Variants in DGKI observed in about 807,000 individuals in gnomAD.
The protein encoded by DGKI is DAG kinase iota.
In DGKI, 55 loss-of-function variants were observed where a neutral mutation model predicts 147.5. The observed-to-expected ratio is 0.37, with a 90% CI of 0.30 to 0.47. The LOEUF (loss-of-function observed/expected upper bound fraction) is 0.47. Among genes scored for constraint, DGKI ranks in the 20% least tolerant of loss-of-function variants. DGKI has a pLI of 1.00. For missense variants in DGKI, 1,007 were observed against 1,323.8 expected (o/e 0.76, Z 3.71); for synonymous variants, 469 against 477.1 (o/e 0.98, Z 0.22).
chr7:137,784,220 C>T (rs781231452), intron 1 of DGKI, among the ~76,000 whole-genome samples: 1 of 152,140 alleles, frequency 6.6e-6, no homozygotes, highest in Non-Finnish European at 1.5e-5. Context: ...CTGCTGTCTT[C>T]AGGAAACTCA....
At chr7:137,711,989 G>A (rs1318108993) in intron 1 of DGKI, among the ~76,000 whole-genome samples, 2 of 152,078 alleles carry the variant, frequency 1.3e-5, no homozygotes, top group South Asian at 2.1e-4. Flanking sequence ...CACCATGCCT[G>A]GCTGGGGATA....
intron 3 of DGKI, among the ~76,000 whole-genome samples, chr7:137,676,182 T>C (rs773481676): frequency 1.3e-5 from 2 of 152,172 alleles, no homozygotes. Flanking sequence ...CTTACACTCC[T>C]GGCAGCTGAT....
chr7:137,606,061 A>G lies in DGKI; in HGVS notation c.1167+2905T>C, dbSNP rs186131137. 3.9e-5 allele frequency among the ~76,000 whole-genome samples: 6 copies of G among 152,362 alleles called. No individual in the cohort carries two copies. In the East Asian group the frequency reaches 1.2e-3, roughly 29 times the overall value. On this transcript the variant is annotated intron_variant, in intron 10 of 32. Coordinates refer to ENST00000614521, the MANE Select transcript of DGKI (RefSeq NM_001321708.2). ...TGCCATAAATGTATCAAAATAGCAT[A>G]TGTACTCCATAAGTATGTACAAAAA...
chr7:137,771,318 G>A (rs962730228), intron 1 of DGKI, among the ~76,000 whole-genome samples: 2 of 151,828 alleles, frequency 1.3e-5, no homozygotes, highest in South Asian at 2.1e-4. Context: ...CTCAAACTCC[G>A]GACCTCAGGT....
At position 137,437,971 on chromosome 7, in the gene DGKI, A is replaced by G. The variant is rs531146011; in HGVS notation, c.2761+6106T>C. ...TTCCAAGTTATCAAATATTAAAGAA[A>G]GCATTCTAAAAATTTTACAAGACAA... On this transcript the variant is annotated intron_variant, in intron 28 of 32. Transcript: ENST00000614521. 2.1e-4 allele frequency among the ~76,000 whole-genome samples: 32 copies of G among 152,284 alleles called. No individual in the cohort carries two copies. The South Asian group carries it at 5.0e-3, about 24-fold the overall frequency.
chr7:137,773,558 T>C lies in DGKI; in HGVS notation c.401+72904A>G, dbSNP rs1189632279. 2.0e-5 allele frequency among the ~76,000 whole-genome samples: 3 copies of C among 152,120 alleles called. No homozygotes were observed. In the East Asian group the frequency reaches 5.8e-4, roughly 29 times the overall value. On this transcript the variant is annotated intron_variant, in intron 1 of 32. Transcript: ENST00000614521. The stretch of plus-strand genomic sequence containing the variant: ...ATGTTGATCAGGCAGCTGAACTGAA[T>C]AGGCAGCTATTGGTAAAGAAAAGAC...
intron 21 of DGKI, among the ~76,000 whole-genome samples, chr7:137,512,442 G>A (rs982781016): frequency 3.9e-5 from 6 of 152,128 alleles, no homozygotes; most frequent in Non-Finnish European, 7.4e-5. Context: ...TTTATACAAA[G>A]ATCTTAGAAG....
intron 20 of DGKI, among the ~76,000 whole-genome samples, chr7:137,531,026 G>A (rs1232201577): frequency 6.6e-6 from 1 of 152,068 alleles, no homozygotes; most frequent in Non-Finnish European, 1.5e-5. Flanking sequence ...AGTATTTTAA[G>A]GTAGGAATTT....
intron 28 of DGKI, among the ~76,000 whole-genome samples, chr7:137,415,945 A>C (rs1054688969): frequency 6.6e-6 from 1 of 152,102 alleles, no homozygotes; most frequent in African/African-American, 2.4e-5. Flanking sequence ...AGCCGAGATC[A>C]TGCCACTGCA....
intron 1 of DGKI, among the ~76,000 whole-genome samples, chr7:137,782,898 C>T (rs1472347291): frequency 2.0e-5 from 3 of 152,172 alleles, no homozygotes; most frequent in African/African-American, 7.2e-5. Context: ...TATAGTTCGG[C>T]TCTCAGGAAG....
chr7:137,576,946 A>G (rs1819002485), intron 17 of DGKI, among the ~76,000 whole-genome samples: 2 of 152,212 alleles, frequency 1.3e-5, no homozygotes, highest in South Asian at 4.1e-4. Flanking sequence ...ACACGGTTGA[A>G]TAACAGTTTT....
At chr7:137,684,675 G>C (rs1044869930) in intron 2 of DGKI, among the ~76,000 whole-genome samples, 1 of 152,312 alleles carries the variant, frequency 6.6e-6, no homozygotes, top group Non-Finnish European at 1.5e-5. Context: ...CTTCATTTAC[G>C]TGGCTGACCA....
intron 1 of DGKI, among the ~76,000 whole-genome samples, chr7:137,813,355 A>G (rs948990500): frequency 1.3e-5 from 2 of 152,178 alleles, no homozygotes; most frequent in South Asian, 4.1e-4. Flanking sequence ...GTATTAGAGT[A>G]GGTCAGTAAG....
At chr7:137,547,586 G>A (rs1256671594) in intron 20 of DGKI, among the ~76,000 whole-genome samples, 1 of 152,152 alleles carries the variant, frequency 6.6e-6, no homozygotes, top group Non-Finnish European at 1.5e-5. Context: ...AGCAATTTCT[G>A]AGAAACACAG....
At chr7:137,531,552 T>C (rs1563071409) in intron 20 of DGKI, among the ~76,000 whole-genome samples, 1 of 152,148 alleles carries the variant, frequency 6.6e-6, no homozygotes, top group Non-Finnish European at 1.5e-5. Flanking sequence ...AGGACAATGA[T>C]ACTCTTAAGC....
chr7:137,678,631 G>A lies in DGKI; in HGVS notation c.532C>T (p.His178Tyr). The change falls in exon 3 of 33, where the codon CAC (histidine) becomes TAC (tyrosine). Residue 178 changes from histidine to tyrosine, a missense_variant. Transcript: ENST00000614521. ...GAGACGTTGGTCTCCAGCCACAGGT[G>A]TTCTCCATTCACGGCATTCTCCTGC... Reference protein sequence around the residue: ...DWSENAVNGEHLWLETNVSGD... With the variant: ...DWSENAVNGEYLWLETNVSGD... 1 of 1,614,098 alleles carries A rather than the reference G, an allele frequency of 6.2e-7. No homozygotes were observed. The highest frequency in any genetic ancestry group is 8.5e-7 in the Non-Finnish European group (1 of 1,180,016).
At chr7:137,654,528 A>C (rs1171331679) in intron 5 of DGKI, among the ~76,000 whole-genome samples, 1 of 152,216 alleles carries the variant, frequency 6.6e-6, no homozygotes, top group Non-Finnish European at 1.5e-5. Flanking sequence ...TCCCCAGTAC[A>C]TTTTATGAGA....
chr7:137,843,756 T>TAC (rs71177923), intron 1 of DGKI, among the ~76,000 whole-genome samples: 19,601 of 137,760 alleles, frequency 0.14, 2,547 homozygotes, highest in African/African-American at 0.36. Context: ...GAGACCCCCC[T>TAC]ACACACACAC....
chr7:137,772,558 G>T (rs1796237758), intron 1 of DGKI, among the ~76,000 whole-genome samples: 1 of 152,090 alleles, frequency 6.6e-6, no homozygotes, highest in Non-Finnish European at 1.5e-5. Flanking sequence ...TAAGCCCCCA[G>T]ATCTGTTCCC....
Sources: gnomAD v4.1 joint callset for allele counts (sites outside exome capture counted in the v4.1 genomes callset) on GRCh38, gnomAD v4.1.1 for gene constraint, MANE v1.5 for transcripts, NCBI Gene and HGNC (gene_info 2026-07-23, HGNC 2026-07-21) for gene names.